Variants in PHYH observed in about 807,000 individuals in gnomAD.
PHYH encodes phytanoyl-CoA dioxygenase, peroxisomal.
Under a neutral mutation model 38.5 loss-of-function variants are expected in PHYH, and 32 were observed. That is an observed-to-expected ratio of 0.83 (90% confidence interval 0.63 to 1.12). PHYH has a LOEUF of 1.12. Among genes scored for constraint, PHYH ranks in the 50% most tolerant of loss-of-function variants. PHYH has a pLI of 0.00. For synonymous variants in PHYH, 166 were observed against 157.9 expected (o/e 1.05, Z -0.38); for missense variants, 426 against 434.8 (o/e 0.98, Z 0.18).
intron 4 of PHYH, among the ~76,000 whole-genome samples, chr10:13,293,726 A>T (rs754214217): frequency 6.6e-6 from 1 of 152,160 alleles, no homozygotes; most frequent in African/African-American, 2.4e-5. Flanking sequence ...TCAGCCTTCC[A>T]AAGTGCCACT....
intron 5 of PHYH, among the ~76,000 whole-genome samples, chr10:13,289,307 T>A (rs918255285): frequency 2.0e-5 from 3 of 152,144 alleles, no homozygotes; most frequent in Non-Finnish European, 2.9e-5. Flanking sequence ...GCCATTCTCC[T>A]GCCTCAGCCT....
At chr10:13,289,442 G>A (rs4750344) in intron 5 of PHYH, among the ~76,000 whole-genome samples, 40,698 of 151,732 alleles carry the variant, frequency 0.27, 5,555 homozygotes, top group South Asian at 0.35. Flanking sequence ...TGATCCGCCC[G>A]CCTCGGCCTC....
At position 13,293,173 on chromosome 10, in the gene PHYH, A is replaced by T. The variant is rs1370383257; in HGVS notation, c.414+1255T>A. Among the ~76,000 whole-genome samples the T allele has an allele frequency of 2.0e-5, 3 of 152,172 alleles. No homozygotes were observed. In the South Asian group the frequency reaches 6.2e-4, roughly 31 times the overall value. ...TAAAGCCTGGTATTTTTTTGTATTCATCTAGGCTGGGATTTTCTAAATGCC... is the reference window on the plus strand; with the variant it reads ...TAAAGCCTGGTATTTTTTTGTATTCTTCTAGGCTGGGATTTTCTAAATGCC... On this transcript the variant is annotated intron_variant, in intron 4 of 8. Transcript: ENST00000263038.
At chr10:13,294,278 G>T (rs1419399306) in intron 4 of PHYH, 150 bp downstream of exon 4, 3 of 711,608 alleles carry the variant, frequency 4.2e-6, no homozygotes, top group Admixed American at 2.1e-5. Context: ...AAGAGCAGTG[G>T]TTCCTGGGAT....
intron 1 of PHYH, among the ~76,000 whole-genome samples, chr10:13,298,904 A>T (rs1200651060): frequency 4.0e-5 from 5 of 124,954 alleles, no homozygotes; most frequent in African/African-American, 2.8e-5. Context: ...CTGACCACAG[A>T]GCAAGACTCC....
intron 4 of PHYH, among the ~76,000 whole-genome samples, chr10:13,293,964 G>A (rs1422143991): frequency 6.6e-5 from 10 of 152,058 alleles, no homozygotes; most frequent in Admixed American, 6.6e-4. Context: ...AGCACTTTGG[G>A]AGGCCGAGGT....
chr10:13,279,411 C>T (rs778965527), intron 8 of PHYH, among the ~76,000 whole-genome samples: 1 of 152,182 alleles, frequency 6.6e-6, no homozygotes, highest in Non-Finnish European at 1.5e-5. Context: ...TTTCTTCCCC[C>T]TCTGCCCTTA....
chr10:13,289,131 AG>A (rs1835637040), intron 5 of PHYH, among the ~76,000 whole-genome samples: 1 of 152,108 alleles, frequency 6.6e-6, no homozygotes, highest in Admixed American at 6.6e-5. Flanking sequence ...CTGGTAGCTA[AG>A]TACTTATGCA....
chr10:13,287,078 C>G (rs758669429), intron 6 of PHYH, among the ~76,000 whole-genome samples: 1 of 152,076 alleles, frequency 6.6e-6, no homozygotes, highest in Admixed American at 6.6e-5. Flanking sequence ...TGGTGGCTCA[C>G]GCCTGTAATC....
chr10:13,284,472 T>G (rs1236978490), intron 6 of PHYH, among the ~76,000 whole-genome samples: 1 of 152,226 alleles, frequency 6.6e-6, no homozygotes, highest in Non-Finnish European at 1.5e-5. Context: ...TTGTGGTTAA[T>G]GCAGGCAACC....
intron 5 of PHYH, among the ~76,000 whole-genome samples, chr10:13,290,386 A>G (rs9732147): frequency 0.27 from 40,765 of 152,002 alleles, 5,550 homozygotes; most frequent in South Asian, 0.35. Context: ...CCATGACCAC[A>G]CTGACATTTT....
intron 7 of PHYH, 135 bp downstream of exon 7, chr10:13,283,555 A>T: frequency 1.0e-6 from 1 of 977,274 alleles, no homozygotes; most frequent in Non-Finnish European, 1.6e-6. Context: ...CAGGTTGGTT[A>T]AAAGCCACAA....
intron 4 of PHYH, among the ~76,000 whole-genome samples, chr10:13,292,655 G>C (rs1028682995): frequency 6.6e-6 from 1 of 152,072 alleles, no homozygotes; most frequent in Non-Finnish European, 1.5e-5. Flanking sequence ...CACTGAGGTC[G>C]GGTGCGTTAG....
In PHYH at chr10:13,295,831, CA is replaced by C. The variant is rs10612459; in HGVS notation, c.135-226del. The stretch of plus-strand genomic sequence containing the variant: ...TGGGCGACAGAGTGAGACCCTGTCT[CA>C]AAAAAAAAAAAAAAATTTAAATTAC... On this transcript the variant is annotated intron_variant, in intron 2 of 8. Coordinates refer to ENST00000263038, the MANE Select transcript of PHYH (RefSeq NM_006214.4). Among the ~76,000 whole-genome samples, 639 of 135,888 alleles carry C rather than the reference CA, an allele frequency of 4.7e-3. 6 individuals carry two copies. Among genetic ancestry groups the C allele is most frequent in the African/African-American group, 8.4e-3 (295 of 34,962 alleles). 89.1% of individuals were successfully genotyped at this position (135,888 alleles called of 152,430 possible).
At chr10:13,291,943 C>A in intron 4 of PHYH, 31 bp from the exon 5 acceptor site, 3 of 1,483,220 alleles carry the variant, frequency 2.0e-6, no homozygotes, top group Non-Finnish European at 2.8e-6. Context: ...CAAAAACAAA[C>A]CTTGTGGGAA....
intron 8 of PHYH, among the ~76,000 whole-genome samples, chr10:13,278,632 G>A (rs1032272558): frequency 2.6e-5 from 4 of 151,876 alleles, no homozygotes; most frequent in African/African-American, 9.7e-5. Context: ...GGGTTCAAGC[G>A]ACTCTCCTGC....
chr10:13,297,740 G>A (rs1832600744), intron 2 of PHYH, among the ~76,000 whole-genome samples: 1 of 151,744 alleles, frequency 6.6e-6, no homozygotes, highest in African/African-American at 2.4e-5. Context: ...GGGATTACAG[G>A]CATGAGCCAC....
intron 3 of PHYH, chr10:13,294,931 T>TA: frequency 2.6e-6 from 1 of 383,602 alleles, no homozygotes; most frequent in East Asian, 6.4e-5. Flanking sequence ...CCGTATTTAG[T>TA]CCTAATAACA....
intron 5 of PHYH, 49 bp downstream of exon 5, chr10:13,291,782 C>T (rs1164255850): frequency 7.8e-7 from 1 of 1,289,706 alleles, no homozygotes. Flanking sequence ...CCCAGCCAAC[C>T]TTACACATTT....
Sources: allele counts gnomAD v4.1 joint callset (sites outside exome capture counted in the v4.1 genomes callset), GRCh38; gene constraint gnomAD v4.1.1; transcripts MANE v1.5; gene names NCBI Gene and HGNC (gene_info 2026-07-23, HGNC 2026-07-21).